Variants in EFCAB13 observed in about 807,000 individuals in gnomAD.
The protein encoded by EFCAB13 is EF-hand calcium-binding domain-containing protein 13.
Under a neutral mutation model 110.2 loss-of-function variants are expected in EFCAB13, and 91 were observed. The observed-to-expected ratio is 0.83, with a 90% CI of 0.70 to 0.98. The LOEUF (loss-of-function observed/expected upper bound fraction) is 0.98, where lower values mean the gene tolerates loss of function less well. Ranked by LOEUF, EFCAB13 falls within the 50% of genes least tolerant of loss-of-function variation. The probability of loss-of-function intolerance (pLI) is 0.00; values close to 1 mark genes in which losing one functional copy is unlikely to be tolerated. For synonymous variants in EFCAB13, 323 were observed against 369.9 expected (o/e 0.87, Z 1.45); for missense variants, 968 against 1,119.4 (o/e 0.86, Z 1.93).
Position 47,391,460 on chromosome 17 carries a change from A to G in EFCAB13, c.1606A>G (p.Ile536Val). ...CNALPGVIKA[I>V]DKIKDKNVDY... ...AGCGTTGCCTGGTGTCATTAAAGCC[A>G]TTGATAAAATTAAAGATAAAAATGT... Residue 536 changes from isoleucine (I) to valine (V), a missense_variant, in exon 15 of 25, where the codon ATT becomes GTT. Physicochemically the swap from Ile to Val is conservative, Grantham distance 29. Transcript: ENST00000331493. The G allele has an allele frequency of 6.3e-7, 1 of 1,576,182 alleles. No homozygotes were observed. Among genetic ancestry groups the G allele is most frequent in the Admixed American group, 1.9e-5 (1 of 53,358 alleles).
rs577964460 is a variant in EFCAB13 at position 47,421,010 on chromosome 17, G to A, written c.2494+6091G>A. Among the ~76,000 whole-genome samples the A allele has an allele frequency of 3.1e-3, 375 of 120,118 alleles. 3 individuals carry two copies. Among genetic ancestry groups the A allele is most frequent in the African/African-American group, 0.011 (357 of 31,564 alleles). The allele number at this position is 120,118 out of a possible 152,430, so 78.8% of individuals were successfully genotyped here. A position where few individuals can be genotyped will look rare whatever the true frequency, so the allele number is the denominator to read the frequency against. On this transcript the variant is annotated intron_variant, in intron 23 of 24. Transcript: ENST00000331493. ...AGGTGAGGGGGTCAGCCCCCCGTCCGGGAGGGAGGTGGGGGGGTCAGCCCC... is the reference window on the plus strand; with the variant it reads ...AGGTGAGGGGGTCAGCCCCCCGTCCAGGAGGGAGGTGGGGGGGTCAGCCCC...
chr17:47,384,772 C>CT (rs879806018), intron 14 of EFCAB13, among the ~76,000 whole-genome samples: 432 of 144,044 alleles, frequency 3.0e-3, no homozygotes, highest in Middle Eastern at 3.6e-3. Flanking sequence ...CTGCCCTTAA[C>CT]TTTTTTTTTT....
chr17:47,326,142 G>A (rs1052158066), intron 2 of EFCAB13, 84 bp from the exon 3 acceptor site: 5 of 151,720 alleles, frequency 3.3e-5, no homozygotes, highest in African/African-American at 4.8e-5. Context: ...TTCACCGATA[G>A]AAGACAGGAT....
rs140741114 is a variant in EFCAB13 at position 47,419,250 on chromosome 17, A to G, written c.2494+4331A>G. Among the ~76,000 whole-genome samples, 1,304 of 152,280 alleles carry G rather than the reference A, an allele frequency of 8.6e-3. 12 individuals carry two copies. The highest frequency in any genetic ancestry group is 0.027 in the African/African-American group (1,111 of 41,550). ...AAACCAACTACAAAGAGAAAATCCT[A>G]AAAGCCACCAGTGAAAAGTTATACA... On this transcript the variant is annotated intron_variant, in intron 23 of 24. Transcript: ENST00000331493.
chr17:47,401,609 T>C (rs769254737), intron 17 of EFCAB13, among the ~76,000 whole-genome samples: 1 of 151,874 alleles, frequency 6.6e-6, no homozygotes, highest in Non-Finnish European at 1.5e-5. Context: ...ATTGTTTCCA[T>C]TGATTGATTG....
At chr17:47,405,431 G>A (rs1363952433) in intron 20 of EFCAB13, among the ~76,000 whole-genome samples, 1 of 151,936 alleles carries the variant, frequency 6.6e-6, no homozygotes, top group Non-Finnish European at 1.5e-5. Context: ...TTATCAACAG[G>A]GGGTATTATT....
intron 5 of EFCAB13, among the ~76,000 whole-genome samples, chr17:47,338,823 ATT>A (rs2065367088): frequency 6.6e-6 from 1 of 152,082 alleles, no homozygotes; most frequent in East Asian, 1.9e-4. Context: ...CAGGGTATGA[ATT>A]TGGGAGATTG....
intron 23 of EFCAB13, among the ~76,000 whole-genome samples, chr17:47,424,148 C>T (rs112584090): frequency 6.6e-6 from 1 of 152,138 alleles, no homozygotes. Flanking sequence ...ACGGGCTGCT[C>T]GGCGCCGCCG....
intron 9 of EFCAB13, among the ~76,000 whole-genome samples, chr17:47,358,311 C>T (rs2065492380): frequency 6.6e-6 from 1 of 152,058 alleles, no homozygotes; most frequent in Non-Finnish European, 1.5e-5. Flanking sequence ...AATCAAGAGA[C>T]TCCCTAGAGA....
chr17:47,372,575 A>G (rs1464985212), intron 11 of EFCAB13, among the ~76,000 whole-genome samples: 2 of 152,228 alleles, frequency 1.3e-5, no homozygotes, highest in Non-Finnish European at 2.9e-5. Context: ...GTTACTAAAC[A>G]GCATCCTTTT....
At chr17:47,344,806 G>A (rs1035177767) in intron 7 of EFCAB13, among the ~76,000 whole-genome samples, 4 of 152,132 alleles carry the variant, frequency 2.6e-5, no homozygotes, top group African/African-American at 9.7e-5. Context: ...ACTATTTGCA[G>A]ACTAGGGTGA....
intron 10 of EFCAB13, among the ~76,000 whole-genome samples, chr17:47,366,197 T>A (rs1253474273): frequency 6.6e-6 from 1 of 152,102 alleles, no homozygotes; most frequent in Non-Finnish European, 1.5e-5. Context: ...TTCAGGAAAG[T>A]CCAAGGAGGA....
chr17:47,373,085 T>C, intron 11 of EFCAB13, among the ~76,000 whole-genome samples: 1 of 152,166 alleles, frequency 6.6e-6, no homozygotes, highest in East Asian at 1.9e-4. Context: ...CCATAAATCC[T>C]GTAAGCTTTC....
intron 23 of EFCAB13, among the ~76,000 whole-genome samples, chr17:47,420,552 G>T (rs1904628763): frequency 6.6e-6 from 1 of 152,034 alleles, no homozygotes. Context: ...GAGCGTCTCT[G>T]CCCGGCCGCC....
chr17:47,423,990 A>AC (rs1165040853), intron 23 of EFCAB13, among the ~76,000 whole-genome samples: 1 of 151,780 alleles, frequency 6.6e-6, no homozygotes, highest in Non-Finnish European at 1.5e-5. Context: ...GGCCAGTTGC[A>AC]CCCCAAGGGC....
intron 23 of EFCAB13, among the ~76,000 whole-genome samples, chr17:47,417,351 G>C (rs1224266533): frequency 6.6e-6 from 1 of 152,196 alleles, no homozygotes; most frequent in East Asian, 1.9e-4. Flanking sequence ...TTTCTTGTCT[G>C]ACGTTATTGG....
chr17:47,366,318 T>TG (rs2065545601), intron 10 of EFCAB13, among the ~76,000 whole-genome samples: 1 of 152,046 alleles, frequency 6.6e-6, no homozygotes, highest in African/African-American at 2.4e-5. Flanking sequence ...ATAGCAGTTT[T>TG]TTTTTTTTTT....
intron 4 of EFCAB13, among the ~76,000 whole-genome samples, chr17:47,330,783 TACA>T (rs2065315613): frequency 6.6e-6 from 1 of 151,988 alleles, no homozygotes; most frequent in Non-Finnish European, 1.5e-5. Flanking sequence ...TTTTTTTTGA[TACA>T]ACAACTTTTT....
At chr17:47,391,603 A>G (rs1238948550) in intron 15 of EFCAB13, 23 bp downstream of exon 15, 2 of 1,545,346 alleles carry the variant, frequency 1.3e-6, no homozygotes, top group Admixed American at 2.1e-5. Flanking sequence ...TTTTCAGGCA[A>G]ACTGCATTGA....
Sources: allele counts gnomAD v4.1 joint callset (sites outside exome capture counted in the v4.1 genomes callset), GRCh38; gene constraint gnomAD v4.1.1; transcripts MANE v1.5; gene names NCBI Gene and HGNC (gene_info 2026-07-23, HGNC 2026-07-21).